Variants in TMC1 observed in about 807,000 individuals in gnomAD.
TMC1 encodes the protein transmembrane channel-like protein 1.
A neutral mutation model predicts 105.8 loss-of-function variants in TMC1; 84 were observed. That is an observed-to-expected ratio of 0.79 (90% CI 0.67 to 0.95). The LOEUF is 0.95. Ranked by LOEUF, TMC1 falls within the 40% of genes least tolerant of loss-of-function variation. The pLI is 0.00. For missense variants in TMC1, 817 were observed against 914.1 expected, an observed-to-expected ratio of 0.89 and a Z score of 1.37; for synonymous variants, 315 against 311.5, an observed-to-expected ratio of 1.01 and a Z score of -0.12.
intron 8 of TMC1, among the ~76,000 whole-genome samples, chr9:72,724,905 T>C (rs560246886): frequency 6.6e-6 from 1 of 152,266 alleles, no homozygotes; most frequent in East Asian, 1.9e-4. Flanking sequence ...ACATTAATTA[T>C]CATAAAATTA....
chr9:72,763,673 G>A (rs1371327731), intron 12 of TMC1, among the ~76,000 whole-genome samples: 1 of 151,060 alleles, frequency 6.6e-6, no homozygotes, highest in East Asian at 1.9e-4. Context: ...TCAGGGGACT[G>A]AGTAAAACGA....
At chr9:72,812,839 G>A (rs775922509) in intron 18 of TMC1, among the ~76,000 whole-genome samples, 1 of 152,242 alleles carries the variant, frequency 6.6e-6, no homozygotes, top group African/African-American at 2.4e-5. Context: ...TTATCCACAG[G>A]TTGGCAATCT....
intron 15 of TMC1, among the ~76,000 whole-genome samples, chr9:72,789,584 A>C (rs1200368280): frequency 1.3e-5 from 2 of 152,228 alleles, no homozygotes; most frequent in Admixed American, 6.5e-5. Context: ...TATGTTTTAC[A>C]GATGGGAATG....
intron 12 of TMC1, among the ~76,000 whole-genome samples, chr9:72,770,352 C>G (rs1460669301): frequency 7.0e-6 from 1 of 143,722 alleles, no homozygotes; most frequent in African/African-American, 2.5e-5. Context: ...TTTGATTTAT[C>G]ATTATTATTA....
At chr9:72,691,273 T>G (rs1826462366) in intron 6 of TMC1, among the ~76,000 whole-genome samples, 1 of 152,200 alleles carries the variant, frequency 6.6e-6, no homozygotes, top group Admixed American at 6.5e-5. Context: ...TGAGTTATTT[T>G]TAATAGTCTG....
In TMC1 at chr9:72,545,195, TAC is replaced by T. The variant is rs200268744; in HGVS notation, c.-428+23286_-428+23287del. Among the ~76,000 whole-genome samples the T allele has an allele frequency of 5.1e-3, 774 of 150,846 alleles. 2 individuals carry two copies. Among genetic ancestry groups the T allele is most frequent in the African/African-American group, 0.016 (661 of 40,686 alleles). ...ACACACACATTTATATGTGTATATA[TAC>T]ACATATATATATATGTCACATTTCT... On this transcript the variant is annotated intron_variant, in intron 1 of 23. Transcript: ENST00000297784.
chr9:72,619,486 C>A (rs1825202992), intron 3 of TMC1, among the ~76,000 whole-genome samples: 1 of 150,686 alleles, frequency 6.6e-6, no homozygotes, highest in African/African-American at 2.5e-5. Flanking sequence ...GTATAAATAT[C>A]CATAAAAAGA....
chr9:72,567,795 G>A (rs563093966), intron 1 of TMC1, among the ~76,000 whole-genome samples: 2 of 152,182 alleles, frequency 1.3e-5, no homozygotes, highest in African/African-American at 4.8e-5. Context: ...TCCAGCTGAA[G>A]ACAGCTAAGG....
intron 2 of TMC1, among the ~76,000 whole-genome samples, chr9:72,613,259 G>A (rs1825064453): frequency 6.6e-6 from 1 of 151,774 alleles, no homozygotes; most frequent in Admixed American, 6.6e-5. Context: ...AGCCTCCTGA[G>A]TAGCTGGGAC....
chr9:72,817,902 G>A (rs1218728505), intron 19 of TMC1, among the ~76,000 whole-genome samples: 6 of 152,138 alleles, frequency 3.9e-5, no homozygotes, highest in Non-Finnish European at 7.4e-5. Context: ...AATTTGAAGA[G>A]AATATTGAGT....
intron 8 of TMC1, among the ~76,000 whole-genome samples, chr9:72,713,220 T>C (rs7872590): frequency 0.2 from 29,992 of 152,106 alleles, 3,380 homozygotes; most frequent in African/African-American, 0.3. Context: ...ATCAGGGATA[T>C]TGGCCTGAAA....
intron 5 of TMC1, among the ~76,000 whole-genome samples, chr9:72,680,984 A>G (rs1796980): frequency 0.51 from 76,826 of 151,712 alleles, 20,825 homozygotes; most frequent in African/African-American, 0.72. Context: ...TTCTTGAGTT[A>G]GAATATTGCA....
At chr9:72,771,739 A>T (rs1327685621) in intron 12 of TMC1, among the ~76,000 whole-genome samples, 5 of 152,224 alleles carry the variant, frequency 3.3e-5, no homozygotes, top group African/African-American at 1.2e-4. Context: ...GCATCAGAAT[A>T]TGCCAATGTT....
Position 72,534,544 on chromosome 9 carries a change from T to C in TMC1, c.-428+12631T>C, listed in dbSNP as rs539344723. 7.2e-4 allele frequency among the ~76,000 whole-genome samples: 110 copies of C among 152,378 alleles called. 1 individual carries two copies. Among genetic ancestry groups the C allele is most frequent in the African/African-American group, 2.6e-3 (108 of 41,586 alleles). ...TAAAAGCTAACACACATGTAGATTATATAACTTCTAAAATTTGTATTTGGT... is the reference window on the plus strand; with the variant it reads ...TAAAAGCTAACACACATGTAGATTACATAACTTCTAAAATTTGTATTTGGT... On this transcript the variant is annotated intron_variant, in intron 1 of 23. Transcript: ENST00000297784.
chr9:72,625,420 G>T (rs7034987), intron 3 of TMC1, among the ~76,000 whole-genome samples: 37,050 of 151,906 alleles, frequency 0.24, 4,847 homozygotes, highest in East Asian at 0.38. Context: ...CAGGCACGGT[G>T]GCTCACGCCT....
intron 1 of TMC1, among the ~76,000 whole-genome samples, chr9:72,538,733 C>T (rs1255754740): frequency 2.0e-5 from 3 of 152,186 alleles, no homozygotes; most frequent in African/African-American, 7.2e-5. Flanking sequence ...CAGGCATGAG[C>T]CACCACACCT....
intron 18 of TMC1, among the ~76,000 whole-genome samples, chr9:72,806,807 A>C (rs1828603069): frequency 6.7e-6 from 1 of 150,218 alleles, no homozygotes; most frequent in Non-Finnish European, 1.5e-5. Context: ...GGGGCTCCTC[A>C]CATCCCAGAC....
At chr9:72,817,245 A>C (rs1365321150) in intron 19 of TMC1, 2 of 152,182 alleles carry the variant, frequency 1.3e-5, no homozygotes, top group Non-Finnish European at 2.9e-5. Context: ...AGGTGAATCA[A>C]TATGGAAAAG....
intron 2 of TMC1, among the ~76,000 whole-genome samples, chr9:72,607,491 C>T (rs1455447225): frequency 7.3e-5 from 11 of 151,538 alleles, no homozygotes; most frequent in African/African-American, 1.7e-4. Flanking sequence ...TGGTGGCGGG[C>T]GCCTGTAGTC....
Sources: allele counts gnomAD v4.1 joint callset (sites outside exome capture counted in the v4.1 genomes callset), GRCh38; gene constraint gnomAD v4.1.1; transcripts MANE v1.5; gene names NCBI Gene and HGNC (gene_info 2026-07-23, HGNC 2026-07-21).